The following ZNF787 variants were observed in gnomAD, a reference collection of about 807,000 sequenced individuals.
ZNF787 encodes zinc finger protein 787.
Under a neutral mutation model 16.9 loss-of-function variants are expected in ZNF787, and 7 were observed. That is an observed-to-expected ratio of 0.42 (90% confidence interval 0.24 to 0.78). The LOEUF is 0.78. Ranked by LOEUF, ZNF787 falls within the 30% of genes least tolerant of loss-of-function variation. ZNF787 has a pLI of 0.30. For synonymous variants in ZNF787, 345 were observed against 270.9 expected (o/e 1.27, Z -2.69); for missense variants, 551 against 589.3 (o/e 0.94, Z 0.67).
At chr19:56,093,527 C>T (rs980042123) in intron 2 of ZNF787, among the ~76,000 whole-genome samples, 2 of 152,166 alleles carry the variant, frequency 1.3e-5, no homozygotes, top group Non-Finnish European at 2.9e-5. Context: ...TCTTGGCCGA[C>T]TGAGACATGT....
In ZNF787 at chr19:56,087,884, A is replaced by T; in HGVS notation, c.*139T>A. The stretch of plus-strand genomic sequence containing the variant: ...GTGCCCCCCCACGGACGGCGCAGGG[A>T]CAGAGGAGGGCGGGGAGCCGGGGAT... On this transcript the variant is annotated 3_prime_UTR_variant, in exon 3 of 3. Transcript: ENST00000610935. The T allele has an allele frequency of 9.6e-6, 12 of 1,256,410 alleles. No individual in the cohort carries two copies. Among genetic ancestry groups the T allele is most frequent in the South Asian group, 2.3e-5 (1 of 43,202 alleles). The allele number at this position is 1,256,410 out of a possible 1,614,324, so 77.8% of individuals were successfully genotyped here.
At position 56,088,177 on chromosome 19, in the gene ZNF787, A is replaced by C. The variant is rs759757972; in HGVS notation, c.995T>G (p.Leu332Arg). 1.9e-6 allele frequency: 3 copies of C among 1,548,722 alleles called. No individual in the cohort carries two copies. The highest frequency in any genetic ancestry group is 1.8e-5 in the Admixed American group (1 of 54,388). ...CGEGFVQGAA[L>R]RRHKKIHAVG... ...CGCGTGGATCTTCTTGTGTCTCCGGAGCGCGGCGCCCTGCACGAAGCCCTC... is the reference window on the plus strand; with the variant it reads ...CGCGTGGATCTTCTTGTGTCTCCGGCGCGCGGCGCCCTGCACGAAGCCCTC... The change falls in exon 3 of 3, where the codon CTC becomes CGC. Residue 332 changes from leucine (L) to arginine (R), a missense_variant. Leu to Arg is a moderately radical substitution (Grantham distance 102). Around this residue, in one of 4 missense-constraint regions of ZNF787, gnomAD observed 392 missense variants for 312.7 expected, o/e 1.25. Coordinates refer to ENST00000610935, the MANE Select transcript of ZNF787 (RefSeq NM_001002836.4). The surrounding 1 kb of genome is among the most constrained non-coding windows in gnomAD (Gnocchi z 8.6).
intron 1 of ZNF787, chr19:56,105,291 C>CGT (rs1447943922): frequency 2.6e-5 from 4 of 152,066 alleles, no homozygotes; most frequent in Non-Finnish European, 5.9e-5. Flanking sequence ...CTGTGGCAAA[C>CGT]GTGCCCTCCC....
chr19:56,103,477 C>T (rs1218302601), intron 1 of ZNF787: 6 of 414,812 alleles, frequency 1.4e-5, no homozygotes, highest in Non-Finnish European at 2.1e-5. Context: ...CTACAACCAC[C>T]GCCAGTTCCC....
At chr19:56,092,171 A>T (rs1356640596) in intron 2 of ZNF787, among the ~76,000 whole-genome samples, 5 of 152,238 alleles carry the variant, frequency 3.3e-5, no homozygotes, top group African/African-American at 1.2e-4. Context: ...GGTGAGGAGC[A>T]CAAGAGTTCT....
intron 1 of ZNF787, among the ~76,000 whole-genome samples, chr19:56,109,227 C>T (rs1325433173): frequency 1.3e-5 from 2 of 152,198 alleles, no homozygotes; most frequent in Non-Finnish European, 2.9e-5. Context: ...GGCTACGTAT[C>T]GGAACTGGTA....
At chr19:56,109,433 C>T (rs1288595434) in intron 1 of ZNF787, among the ~76,000 whole-genome samples, 7 of 152,136 alleles carry the variant, frequency 4.6e-5, no homozygotes, top group South Asian at 2.1e-4. Flanking sequence ...TCACCAGCAC[C>T]GGGAGCTGAG....
At chr19:56,102,550 A>C in intron 2 of ZNF787, 1 of 344,168 alleles carries the variant, frequency 2.9e-6, no homozygotes, top group Non-Finnish European at 5.3e-6. Flanking sequence ...AACCCCAATA[A>C]TGCTTTATTA....
chr19:56,089,046 G>A lies in ZNF787; in HGVS notation c.126C>T (p.Pro42=). ...CAGACTGGGGCGGGGACAGCTTGGT[G>A]GGAGGCCAGCTGGGGACGTCGTCAT... ...MDDDDVPSWP[P]TKLSPPQSAP... is the part of the protein sequence containing the mutation. Residue 42 remains proline (P), a synonymous_variant, in exon 3 of 3, where the codon CCC becomes CCT. Transcript: ENST00000610935. The A allele has an allele frequency of 6.8e-7, 1 of 1,467,766 alleles. No homozygotes were observed. Among genetic ancestry groups the A allele is most frequent in the Non-Finnish European group, 9.0e-7 (1 of 1,112,210 alleles). 90.9% of individuals were successfully genotyped at this position (1,467,766 alleles called of 1,614,324 possible).
intron 1 of ZNF787, among the ~76,000 whole-genome samples, chr19:56,106,078 A>G (rs1221144154): frequency 7.5e-6 from 1 of 132,946 alleles, no homozygotes; most frequent in East Asian, 2.3e-4. Flanking sequence ...CGCCCACGGC[A>G]GTCACCGCGC....
chr19:56,109,134 T>C (rs1348603133), intron 1 of ZNF787, among the ~76,000 whole-genome samples: 1 of 152,174 alleles, frequency 6.6e-6, no homozygotes, highest in Non-Finnish European at 1.5e-5. Context: ...TTTCTTATGT[T>C]CATTTTCCTA....
intron 1 of ZNF787, among the ~76,000 whole-genome samples, chr19:56,114,311 C>T (rs1378219016): frequency 6.6e-6 from 1 of 152,038 alleles, no homozygotes; most frequent in African/African-American, 2.4e-5. Context: ...CCCGGCCAGG[C>T]CTGGTCTTTC....
chr19:56,102,728 C>A, intron 2 of ZNF787: 1 of 588,498 alleles, frequency 1.7e-6, no homozygotes, highest in Non-Finnish European at 3.0e-6. Flanking sequence ...TCCTGGGCCA[C>A]CCCTGGTGTA....
chr19:56,094,854 T>G (rs1985809160), intron 2 of ZNF787, among the ~76,000 whole-genome samples: 1 of 152,106 alleles, frequency 6.6e-6, no homozygotes. Flanking sequence ...CTCACACCTG[T>G]AATCCCAGCA....
rs1399547325 is a variant in ZNF787 at position 56,091,944 on chromosome 19, AGCCAAAG to A, written c.80-2859_80-2853del. The stretch of plus-strand genomic sequence containing the variant: ...CAGCCGAAGCCGAAGCCGAAGCCAA[AGCCAAAG>A]CCGAAACCGAAACCGAAGCCAAAGC... On this transcript the variant is annotated intron_variant, in intron 2 of 2. Transcript: ENST00000610935. 6.8e-4 allele frequency among the ~76,000 whole-genome samples: 88 copies of A among 128,940 alleles called. 1 individual carries two copies. The highest frequency in any genetic ancestry group is 8.0e-3 in the Middle Eastern group (2 of 250). The allele number at this position is 128,940 out of a possible 152,430, so 84.6% of individuals were successfully genotyped here.
rs773221633 is a variant in ZNF787 at position 56,088,036 on chromosome 19, C to T, written c.1136G>A (p.Gly379Glu). ...CGGGCCCCTCCCCTACCGGCCCTCC[C>T]CACCGCGGCACTCGGGGCACCGCCC... ...AGGRCPECRGGEGR is the reference protein window; with the variant it reads ...AGGRCPECRGEEGR Residue 379 changes from glycine to glutamate, a missense_variant, in exon 3 of 3, where the codon GGG (glycine) becomes GAG (glutamate). Transcript: ENST00000610935. This position sits in a 1 kb window ranked among gnomAD's most constrained non-coding sequence, Gnocchi z 8.6. 41 of 1,309,060 alleles carry T rather than the reference C, an allele frequency of 3.1e-5. No individual in the cohort carries two copies. In the African/African-American group the frequency reaches 5.9e-4, roughly 19 times the overall value. 81.1% of individuals were successfully genotyped at this position (1,309,060 alleles called of 1,614,324 possible). A position where few individuals can be genotyped will look rare whatever the true frequency, so the allele number is the denominator to read the frequency against.
chr19:56,103,519 G>A (rs73934672), intron 1 of ZNF787: 4,837 of 394,472 alleles, frequency 0.012, 198 homozygotes, highest in African/African-American at 0.09. Context: ...AGCTGGACCT[G>A]GGGCAAGCAA....
At chr19:56,103,334 C>A in intron 1 of ZNF787, 107 bp from the exon 2 acceptor site, 1 of 980,300 alleles carries the variant, frequency 1.0e-6, no homozygotes, top group Non-Finnish European at 1.5e-6. Flanking sequence ...AGGCACAGCG[C>A]CCGGCAGACA....
Position 56,087,816 on chromosome 19 carries a change from A to C in ZNF787, c.*207T>G. ...GAAGGGCGGGCCAGGCTGAGGGGGC[A>C]GAGTCTCGAGGCGGAGAAGTGAACG... On this transcript the variant is annotated 3_prime_UTR_variant, in exon 3 of 3. Transcript: ENST00000610935. 9 of 764,974 alleles carry C rather than the reference A, an allele frequency of 1.2e-5. No individual in the cohort carries two copies. Among genetic ancestry groups the C allele is most frequent in the Non-Finnish European group, 1.6e-5 (9 of 568,572 alleles). 47.4% of individuals were successfully genotyped at this position (764,974 alleles called of 1,614,324 possible). A position where few individuals can be genotyped will look rare whatever the true frequency, so the allele number is the denominator to read the frequency against.
Sources: allele counts gnomAD v4.1 joint callset (sites outside exome capture counted in the v4.1 genomes callset), GRCh38; gene constraint gnomAD v4.1.1; regional missense constraint gnomAD v4.1.1; non-coding constraint Gnocchi (gnomAD v3.1); transcripts MANE v1.5; gene names NCBI Gene and HGNC (gene_info 2026-07-23, HGNC 2026-07-21).